The following KANSL1L variants were observed in gnomAD, a reference collection of about 807,000 sequenced individuals.
The protein encoded by KANSL1L is KAT8 regulatory NSL complex subunit 1 like.
KANSL1L carries 25 observed loss-of-function variants against 108.6 expected under a neutral mutation model. That is an observed-to-expected ratio of 0.23 (90% CI 0.17 to 0.32). The LOEUF (loss-of-function observed/expected upper bound fraction) is 0.32. KANSL1L is among the 10% of genes least tolerant of loss of function. The pLI is 1.00. For missense variants in KANSL1L, 1,137 were observed against 1,125.7 expected, an observed-to-expected ratio of 1.01 and a Z score of -0.14; for synonymous variants, 405 against 395.1, an observed-to-expected ratio of 1.03 and a Z score of -0.30.
At chr2:210,121,960 T>G (rs1480635078) in intron 3 of KANSL1L, among the ~76,000 whole-genome samples, 1 of 151,918 alleles carries the variant, frequency 6.6e-6, no homozygotes, top group East Asian at 1.9e-4. Flanking sequence ...TAAAACAGAA[T>G]ACCTAGGAAT....
chr2:210,053,023 C>T (rs1436591140), intron 6 of KANSL1L, among the ~76,000 whole-genome samples: 1 of 152,196 alleles, frequency 6.6e-6, no homozygotes, highest in Non-Finnish European at 1.5e-5. Flanking sequence ...AATTCTGCAT[C>T]TCTCAAGTCT....
At chr2:210,170,412 G>C in intron 1 of KANSL1L, 2 of 984,550 alleles carry the variant, frequency 2.0e-6, no homozygotes, top group Non-Finnish European at 2.4e-6. Context: ...TCCATCCAGT[G>C]CCTGCCCTCC....
At position 210,029,846 on chromosome 2, in the gene KANSL1L, A is replaced by G. The variant is rs1273020577; in HGVS notation, c.2228T>C (p.Val743Ala). ...ESGSHSNFTAVSNVNVLSRIQ... is the reference protein window; with the variant it reads ...ESGSHSNFTAASNVNVLSRIQ... ...TCTTGATAAAACGTTGACATTGGAA[A>G]CAGCAGTAAAATTGCTATGGGATCC... Residue 743 changes from valine (V) to alanine (A), a missense_variant, in exon 10 of 15, where the codon GTT becomes GCT. Coordinates refer to ENST00000281772, the MANE Select transcript of KANSL1L (RefSeq NM_152519.4). 1 of 1,607,536 alleles carries G rather than the reference A, an allele frequency of 6.2e-7. No individual in the cohort carries two copies.
At chr2:210,055,195 C>T (rs112027248) in intron 6 of KANSL1L, among the ~76,000 whole-genome samples, 3,502 of 152,298 alleles carry the variant, frequency 0.023, 61 homozygotes, top group Non-Finnish European at 0.036. Flanking sequence ...TTTCTTCTTG[C>T]CGCCACGTGA....
chr2:210,037,601 T>G (rs1209479787), intron 8 of KANSL1L, among the ~76,000 whole-genome samples: 1 of 152,176 alleles, frequency 6.6e-6, no homozygotes, highest in Non-Finnish European at 1.5e-5. Context: ...CAAAGGAGAC[T>G]AGAATAATGA....
chr2:210,085,716 T>C (rs1000005896), intron 5 of KANSL1L, among the ~76,000 whole-genome samples: 8 of 151,850 alleles, frequency 5.3e-5, no homozygotes, highest in African/African-American at 1.9e-4. Context: ...TCCGCATTTT[T>C]CCACTTAATA....
chr2:210,125,686 C>T (rs1457199465), intron 3 of KANSL1L, among the ~76,000 whole-genome samples: 1 of 152,006 alleles, frequency 6.6e-6, no homozygotes, highest in East Asian at 1.9e-4. Context: ...GTATTAAAAC[C>T]GATTAATGTA....
intron 3 of KANSL1L, among the ~76,000 whole-genome samples, chr2:210,125,145 T>A (rs1226289309): frequency 6.6e-6 from 1 of 152,044 alleles, no homozygotes; most frequent in East Asian, 1.9e-4. Context: ...TCCCAGCTAC[T>A]CAGGGGGCTG....
At chr2:210,082,488 G>A (rs141066384) in intron 5 of KANSL1L, among the ~76,000 whole-genome samples, 20 of 152,208 alleles carry the variant, frequency 1.3e-4, no homozygotes, top group African/African-American at 4.1e-4. Flanking sequence ...ATAGTAAGAA[G>A]GTCATAATTA....
chr2:210,022,350 C>T lies in KANSL1L; in HGVS notation c.*599G>A, dbSNP rs1204409404. On this transcript the variant is annotated 3_prime_UTR_variant, in exon 15 of 15. Coordinates refer to ENST00000281772, the MANE Select transcript of KANSL1L (RefSeq NM_152519.4). ...AAAACTTCTGTCTCTATATTCAGGA[C>T]GTTCAGATGTCTTTTATTAGTGGAA... is the stretch of plus-strand genomic sequence containing the variant. 2.0e-5 allele frequency: 3 copies of T among 152,412 alleles called. No individual in the cohort carries two copies. Among genetic ancestry groups the T allele is most frequent in the African/African-American group, 4.8e-5 (2 of 41,374 alleles). 9.4% of individuals were successfully genotyped at this position (152,412 alleles called of 1,614,324 possible). A position where few individuals can be genotyped will look rare whatever the true frequency, so the allele number is the denominator to read the frequency against.
intron 14 of KANSL1L, among the ~76,000 whole-genome samples, chr2:210,023,722 G>GAAAT (rs2093893483): frequency 6.6e-6 from 1 of 152,132 alleles, no homozygotes; most frequent in Non-Finnish European, 1.5e-5. Context: ...TGAGGAGAAA[G>GAAAT]AAATAGCAGC....
intron 10 of KANSL1L, 104 bp downstream of exon 10, chr2:210,029,699 G>T: frequency 1.8e-6 from 1 of 551,342 alleles, no homozygotes; most frequent in Non-Finnish European, 3.2e-6. Flanking sequence ...CTGTTAATAT[G>T]TGCTAGTAAG....
At chr2:210,119,931 A>G (rs926355150) in intron 3 of KANSL1L, among the ~76,000 whole-genome samples, 3 of 152,160 alleles carry the variant, frequency 2.0e-5, no homozygotes, top group African/African-American at 7.2e-5. Flanking sequence ...TTCAAACTAT[A>G]CTACAGGGCT....
chr2:210,104,965 C>G (rs1323779504), intron 3 of KANSL1L, among the ~76,000 whole-genome samples: 1 of 152,034 alleles, frequency 6.6e-6, no homozygotes. Context: ...ATGTAAGGAA[C>G]TGGGGGAATG....
At chr2:210,149,829 A>G (rs2095289923) in intron 2 of KANSL1L, among the ~76,000 whole-genome samples, 1 of 151,862 alleles carries the variant, frequency 6.6e-6, no homozygotes, top group African/African-American at 2.4e-5. Context: ...TCAAAACAAC[A>G]TTTTGTATTT....
At chr2:210,160,302 C>T (rs2095355042) in intron 1 of KANSL1L, among the ~76,000 whole-genome samples, 1 of 151,966 alleles carries the variant, frequency 6.6e-6, no homozygotes. Flanking sequence ...TTTCTCACCA[C>T]TCATACTCAA....
intron 3 of KANSL1L, among the ~76,000 whole-genome samples, chr2:210,108,822 A>G (rs2094876603): frequency 6.6e-6 from 1 of 152,210 alleles, no homozygotes; most frequent in Non-Finnish European, 1.5e-5. Context: ...TAGTAAGCCT[A>G]AGGTTTTATG....
At chr2:210,111,236 C>T (rs1436752103) in intron 3 of KANSL1L, among the ~76,000 whole-genome samples, 1 of 150,680 alleles carries the variant, frequency 6.6e-6, no homozygotes, top group Admixed American at 6.6e-5. Flanking sequence ...CTAAAACAAC[C>T]TAAATTTCCA....
intron 12 of KANSL1L, among the ~76,000 whole-genome samples, chr2:210,026,672 A>C (rs1242802519): frequency 6.6e-6 from 1 of 152,254 alleles, no homozygotes; most frequent in African/African-American, 2.4e-5. Context: ...AGTGAGACTA[A>C]TCTCATGCAG....
Sources: gnomAD v4.1 joint callset for allele counts (sites outside exome capture counted in the v4.1 genomes callset) on GRCh38, gnomAD v4.1.1 for gene constraint, MANE v1.5 for transcripts, NCBI Gene and HGNC (gene_info 2026-07-23, HGNC 2026-07-21) for gene names.